ZNF462: variants seen among roughly 807,000 people sequenced by gnomAD.
ZNF462 encodes zinc finger PBX1-interacting protein.
Under a neutral mutation model 201.9 loss-of-function variants are expected in ZNF462, and 10 were observed. That is an observed-to-expected ratio of 0.05 (90% confidence interval 0.03 to 0.08). The LOEUF (loss-of-function observed/expected upper bound fraction) is 0.08, where lower values mean the gene tolerates loss of function less well. Ranked by LOEUF, ZNF462 falls within the 10% of genes least tolerant of loss-of-function variation. The pLI is 1.00. For synonymous variants in ZNF462, 1,227 were observed against 1,193.3 expected, an observed-to-expected ratio of 1.03 and a Z score of -0.58; for missense variants, 2,523 against 3,168.3, an observed-to-expected ratio of 0.80 and a Z score of 4.89.
chr9:106,934,956 T>C (rs1262192197), intron 5 of ZNF462, among the ~76,000 whole-genome samples: 1 of 152,156 alleles, frequency 6.6e-6, no homozygotes, highest in Non-Finnish European at 1.5e-5. Context: ...CATATTAATA[T>C]AGACCCTGGC....
intron 7 of ZNF462, among the ~76,000 whole-genome samples, chr9:106,967,957 A>ATTCTATTATCATTTGCATCTG (rs1832156067): frequency 6.6e-6 from 1 of 151,616 alleles, no homozygotes; most frequent in African/African-American, 2.4e-5. Context: ...TTTTCTGTCT[A>ATTCTATTATCATTTGCATCTG]TTCTATTATC....
chr9:106,908,624 C>T (rs1829373360), intron 1 of ZNF462, among the ~76,000 whole-genome samples: 1 of 151,624 alleles, frequency 6.6e-6, no homozygotes, highest in African/African-American at 2.4e-5. Flanking sequence ...AAGAATTATC[C>T]AATTCACATT....
chr9:106,988,564 AT>A (rs1828024133), intron 10 of ZNF462, among the ~76,000 whole-genome samples: 1 of 152,128 alleles, frequency 6.6e-6, no homozygotes, highest in Non-Finnish European at 1.5e-5. Context: ...GTTCTTTCTA[AT>A]TCTGTGAAGC....
At chr9:106,958,930 C>T (rs1382698415) in intron 7 of ZNF462, among the ~76,000 whole-genome samples, 1 of 152,082 alleles carries the variant, frequency 6.6e-6, no homozygotes, top group Non-Finnish European at 1.5e-5. Context: ...GAACCTTGCT[C>T]AAAGCTGCAG....
At position 107,013,292 on chromosome 9, in the gene ZNF462, A is replaced by G. The variant is rs1249341996; in HGVS notation, c.*2262A>G. The G allele has an allele frequency of 6.6e-6, 1 of 152,102 alleles. No homozygotes were observed. The highest frequency in any genetic ancestry group is 2.4e-5 in the African/African-American group (1 of 41,458). 9.4% of individuals were successfully genotyped at this position (152,102 alleles called of 1,614,324 possible). ...TCATTTTTTTCTTTTTCAAACATAT[A>G]CCTGATATTTTGTGGCCGCACATTT... On this transcript the variant is annotated 3_prime_UTR_variant, in exon 13 of 13. Coordinates refer to ENST00000277225, the MANE Select transcript of ZNF462 (RefSeq NM_021224.6).
intron 4 of ZNF462, chr9:106,931,184 A>G (rs541347729): frequency 7.8e-5 from 12 of 153,746 alleles, no homozygotes; most frequent in African/African-American, 2.6e-4. Context: ...TTAAAACTAA[A>G]AGCGTTCAAG....
rs768645462 is a variant in ZNF462 at position 106,932,493 on chromosome 9, C to A, written c.6060C>A (p.Thr2020=). The change falls in exon 5 of 13, where the codon ACC becomes ACA. Residue 2020 remains threonine (T), a synonymous_variant. Coordinates refer to ENST00000277225, the MANE Select transcript of ZNF462 (RefSeq NM_021224.6). The surrounding 1 kb of genome is among the most constrained non-coding windows in gnomAD (Gnocchi z 6.8). The stretch of plus-strand genomic sequence containing the variant: ...GCCACCTGGCCCTGGCCATGTTTAC[C>A]CGCGAGGACAAGTACAGCTGCCAGT... ...ERSHLALAMF[T]REDKYSCQYC... The A allele has an allele frequency of 6.2e-7, 1 of 1,614,114 alleles. No homozygotes were observed. Among genetic ancestry groups the A allele is most frequent in the Admixed American group, 1.7e-5 (1 of 60,014 alleles).
chr9:106,954,320 G>A lies in ZNF462; in HGVS notation c.6427+15213G>A, dbSNP rs184118235. 2.1e-4 allele frequency among the ~76,000 whole-genome samples: 32 copies of A among 152,032 alleles called. No individual in the cohort carries two copies. The highest frequency in any genetic ancestry group is 6.3e-4 in the African/African-American group (26 of 41,464). ...CAGGAGAGAGAAAGAGAGTGAGGGG[G>A]GGATGTGCCATACTTCTAAACCATC... On this transcript the variant is annotated intron_variant, in intron 7 of 12. Coordinates refer to ENST00000277225, the MANE Select transcript of ZNF462 (RefSeq NM_021224.6). The surrounding 1 kb of genome is among the most constrained non-coding windows in gnomAD (Gnocchi z 4.0).
chr9:106,923,534 G>A lies in ZNF462; in HGVS notation c.151G>A (p.Ala51Thr). The change falls in exon 2 of 13, where the codon GCC (alanine) becomes ACC (threonine). Residue 51 changes from alanine to threonine, a missense_variant. Transcript: ENST00000277225. The surrounding 1 kb of genome is among the most constrained non-coding windows in gnomAD (Gnocchi z 5.6). The stretch of plus-strand genomic sequence containing the variant: ...TGAGCTACGATGTGGGTCCGTGAAT[G>A]CCAGTAATCAGACAGAGGTGGAGTT... The part of the protein sequence containing the change: ...VNELRCGSVN[A>T]SNQTEVEFSS... 1 of 1,614,218 alleles carries A rather than the reference G, an allele frequency of 6.2e-7. No homozygotes were observed.
intron 7 of ZNF462, among the ~76,000 whole-genome samples, chr9:106,941,055 A>G (rs1830847927): frequency 6.6e-6 from 1 of 152,128 alleles, no homozygotes; most frequent in Non-Finnish European, 1.5e-5. Flanking sequence ...CATTTTTCTC[A>G]ATGTCATACC....
chr9:106,934,226 A>C (rs2131570920), intron 5 of ZNF462, among the ~76,000 whole-genome samples: 1 of 152,004 alleles, frequency 6.6e-6, no homozygotes, highest in South Asian at 2.1e-4. Flanking sequence ...GCCCAAGGAC[A>C]CACAGCCTAT....
chr9:106,972,767 C>T lies in ZNF462; in HGVS notation c.6695+495C>T, dbSNP rs1182745558. ...AGACCCTGGCACTTCCAACACTACA[C>T]TTGAGCAATCATAGGGAGATTGCTC... On this transcript the variant is annotated intron_variant, in intron 8 of 12. Coordinates refer to ENST00000277225, the MANE Select transcript of ZNF462 (RefSeq NM_021224.6). The surrounding 1 kb of genome is among the most constrained non-coding windows in gnomAD (Gnocchi z 4.8). Among the ~76,000 whole-genome samples, 1 of 152,150 alleles carries T rather than the reference C, an allele frequency of 6.6e-6. No individual in the cohort carries two copies. The highest frequency in any genetic ancestry group is 1.5e-5 in the Non-Finnish European group (1 of 68,032).
chr9:106,926,642 A>G lies in ZNF462; in HGVS notation c.2730A>G (p.Pro910=), dbSNP rs978398329. Residue 910 remains proline, a synonymous_variant, in exon 3 of 13, where the codon CCA becomes CCG. Coordinates refer to ENST00000277225, the MANE Select transcript of ZNF462 (RefSeq NM_021224.6). The surrounding 1 kb of genome is among the most constrained non-coding windows in gnomAD (Gnocchi z 7.9). ...DLQQHYGEHH[P]EAMNVLNFDH... Reference sequence around the variant, plus strand: ...AGCAGCATTATGGCGAGCACCACCCAGAAGCCATGAATGTACTCAACTTTG... The same window carrying G: ...AGCAGCATTATGGCGAGCACCACCCGGAAGCCATGAATGTACTCAACTTTG... The G allele has an allele frequency of 2.5e-6, 4 of 1,614,108 alleles. No individual in the cohort carries two copies. In the African/African-American group the frequency reaches 4.0e-5, roughly 16 times the overall value.
rs997253699 is a variant in ZNF462 at position 106,963,093 on chromosome 9, T to C, written c.6428-8912T>C. On this transcript the variant is annotated intron_variant, in intron 7 of 12. Transcript: ENST00000277225. The surrounding 1 kb of genome is among the most constrained non-coding windows in gnomAD (Gnocchi z 4.7). Reference sequence around the variant, plus strand: ...AATAGCCCATAGATAAAGAACATTTTTGAGGCTCTTCAGAGGAAATACTTG... The same window carrying C: ...AATAGCCCATAGATAAAGAACATTTCTGAGGCTCTTCAGAGGAAATACTTG... Among the ~76,000 whole-genome samples, 3 of 152,266 alleles carry C rather than the reference T, an allele frequency of 2.0e-5. No homozygotes were observed. The highest frequency in any genetic ancestry group is 4.1e-4 in the South Asian group (2 of 4,828).
Position 106,927,592 on chromosome 9 carries a change from G to A in ZNF462, c.3680G>A (p.Arg1227Gln), listed in dbSNP as rs71495912. The A allele has an allele frequency of 1.2e-6, 2 of 1,613,600 alleles. No individual in the cohort carries two copies. The highest frequency in any genetic ancestry group is 1.7e-6 in the Non-Finnish European group (2 of 1,179,940). The change falls in exon 3 of 13, where the codon CGG becomes CAG. Residue 1227 changes from arginine (R) to glutamine (Q), a missense_variant. Coordinates refer to ENST00000277225, the MANE Select transcript of ZNF462 (RefSeq NM_021224.6). Reference protein sequence around the residue: ...RDFKANADVIRQHTATIRSLC... With the variant: ...RDFKANADVIQQHTATIRSLC... ...TTCAAGGCCAATGCAGATGTGATCC[G>A]GCAGCATACGGCCACCATTCGAAGC...
intron 1 of ZNF462, among the ~76,000 whole-genome samples, chr9:106,894,489 G>A (rs777650490): frequency 4.6e-5 from 7 of 152,178 alleles, no homozygotes; most frequent in Non-Finnish European, 8.8e-5. Flanking sequence ...AAAATGTAAA[G>A]GTATTACAGG....
rs1424218499 is a variant in ZNF462 at position 106,993,661 on chromosome 9, C to T, written c.7056+9252C>T. Among the ~76,000 whole-genome samples, 2 of 145,804 alleles carry T rather than the reference C, an allele frequency of 1.4e-5. No homozygotes were observed. The highest frequency in any genetic ancestry group is 5.0e-5 in the African/African-American group (2 of 39,874). ...TTCCTTCACTCCCTGCATTCTCTGT[C>T]CCCCAACATTCTACCCCCCAACACA... On this transcript the variant is annotated intron_variant, in intron 10 of 12. Transcript: ENST00000277225. This position sits in a 1 kb window ranked among gnomAD's most constrained non-coding sequence, Gnocchi z 4.0.
chr9:106,946,966 C>G (rs1178722340), intron 7 of ZNF462, among the ~76,000 whole-genome samples: 1 of 151,710 alleles, frequency 6.6e-6, no homozygotes, highest in African/African-American at 2.4e-5. Context: ...TTTTTGTTAA[C>G]ATGTTTTGTT....
intron 9 of ZNF462, among the ~76,000 whole-genome samples, chr9:106,983,322 A>G (rs1342315267): frequency 6.6e-6 from 1 of 152,116 alleles, no homozygotes; most frequent in African/African-American, 2.4e-5. Flanking sequence ...CAGATTACAG[A>G]CTGTCTAAAA....
Sources: allele counts gnomAD v4.1 joint callset (sites outside exome capture counted in the v4.1 genomes callset), GRCh38; gene constraint gnomAD v4.1.1; non-coding constraint Gnocchi (gnomAD v3.1); transcripts MANE v1.5; gene names NCBI Gene and HGNC (gene_info 2026-07-23, HGNC 2026-07-21).